The following ATP10B variants were observed in gnomAD, a reference collection of about 807,000 sequenced individuals.
ATP10B encodes ATPase phospholipid transporting 10B (putative).
A neutral mutation model predicts 141.2 loss-of-function variants in ATP10B; 122 were observed. That is an observed-to-expected ratio of 0.86 (90% CI 0.75 to 1.00). The LOEUF (loss-of-function observed/expected upper bound fraction) is 1.00, where lower values mean the gene tolerates loss of function less well. Among genes scored for constraint, ATP10B ranks in the 50% least tolerant of loss-of-function variants. The probability of loss-of-function intolerance (pLI) is 0.00; values close to 1 mark genes in which losing one functional copy is unlikely to be tolerated. For synonymous variants in ATP10B, 685 were observed against 692.0 expected (o/e 0.99, Z 0.16); for missense variants, 1,876 against 1,825.3 (o/e 1.03, Z -0.51).
rs763546752 is a variant in ATP10B at position 160,644,109 on chromosome 5, C to A, written c.868+29G>T. On this transcript the variant is annotated intron_variant, in intron 9 of 25. Transcript: ENST00000327245. ...GGAGGGGGAAGGATAAAGGAAAATT[C>A]AGACAAAAGAAACTACCCAGACAAT... is the stretch of plus-strand genomic sequence containing the variant. 3.1e-6 allele frequency: 5 copies of A among 1,589,134 alleles called. No homozygotes were observed. The South Asian group carries it at 5.5e-5, about 18-fold the overall frequency.
At chr5:160,814,451 A>G (rs1773434966) in intron 1 of ATP10B, among the ~76,000 whole-genome samples, 1 of 151,998 alleles carries the variant, frequency 6.6e-6, no homozygotes, top group Non-Finnish European at 1.5e-5. Context: ...AGTAAAAAGA[A>G]ACGAACAAAG....
At chr5:160,886,443 A>AT in the ATP10B span, among the ~76,000 whole-genome samples, 1 of 152,168 alleles carries the variant, frequency 6.6e-6, no homozygotes, top group South Asian at 2.1e-4. Context: ...GATAGCTTAG[A>AT]GGGGCTATGT....
chr5:160,589,880 T>C (rs1452092675), intron 23 of ATP10B, among the ~76,000 whole-genome samples, 184 bp from the exon 24 acceptor site: 1 of 152,134 alleles, frequency 6.6e-6, no homozygotes, highest in African/African-American at 2.4e-5. Flanking sequence ...AGGACTAATT[T>C]AGAAATGGTG....
chr5:160,678,772 C>T (rs35745177), intron 6 of ATP10B, among the ~76,000 whole-genome samples: 4,380 of 152,194 alleles, frequency 0.029, 75 homozygotes, highest in Non-Finnish European at 0.045. Flanking sequence ...TAGTATCGGC[C>T]CCATTTTATA....
chr5:160,787,811 C>T (rs1312654311), intron 1 of ATP10B, among the ~76,000 whole-genome samples: 5 of 152,042 alleles, frequency 3.3e-5, no homozygotes, highest in Admixed American at 3.3e-4. Context: ...AATAAGGAAG[C>T]CGTGTGTGCT....
chr5:160,576,866 C>G (rs866385067), intron 24 of ATP10B, among the ~76,000 whole-genome samples: 1 of 152,158 alleles, frequency 6.6e-6, no homozygotes. Flanking sequence ...AGTTTGGACT[C>G]TGTCCTAAGA....
chr5:160,825,706 C>T (rs72820521), intron 1 of ATP10B, among the ~76,000 whole-genome samples: 1,900 of 152,180 alleles, frequency 0.012, 17 homozygotes, highest in Non-Finnish European at 0.02. Context: ...ATTTTAGATA[C>T]GGGGATACAT....
intron 7 of ATP10B, among the ~76,000 whole-genome samples, chr5:160,652,889 T>TTATATAATATATTATATATACATGTA (rs61034794): frequency 0.02 from 663 of 32,372 alleles, 146 homozygotes; most frequent in African/African-American, 0.031. Context: ...ATATATATAA[T>TTATATAATATATTATATATACATGTA]TATATAATAT....
chr5:160,836,835 T>C (rs1444615182), intron 1 of ATP10B, among the ~76,000 whole-genome samples: 6 of 152,126 alleles, frequency 3.9e-5, no homozygotes, highest in African/African-American at 1.4e-4. Context: ...TATCCATTTT[T>C]TCCTTATATT....
chr5:160,812,323 A>G (rs1267723137), intron 1 of ATP10B, among the ~76,000 whole-genome samples: 1 of 152,210 alleles, frequency 6.6e-6, no homozygotes, highest in African/African-American at 2.4e-5. Context: ...TTGTGAAGCT[A>G]TAATAAATAC....
At chr5:160,700,422 C>T (rs1217461976) in intron 3 of ATP10B, among the ~76,000 whole-genome samples, 1 of 152,140 alleles carries the variant, frequency 6.6e-6, no homozygotes, top group East Asian at 1.9e-4. Flanking sequence ...ATTCTCACCT[C>T]GACTTATGTC....
intron 1 of ATP10B, among the ~76,000 whole-genome samples, chr5:160,794,121 CAT>C (rs538676193): frequency 1.2e-3 from 180 of 152,296 alleles, no homozygotes; most frequent in African/African-American, 4.1e-3. Context: ...GTATCCCACA[CAT>C]ATAATTGACA....
intron 24 of ATP10B, among the ~76,000 whole-genome samples, chr5:160,574,669 C>A (rs937003350): frequency 6.6e-6 from 1 of 152,108 alleles, no homozygotes; most frequent in African/African-American, 2.4e-5. Flanking sequence ...AAAGATCTTC[C>A]TTCATGAATG....
intron 2 of ATP10B, among the ~76,000 whole-genome samples, chr5:160,717,257 T>C (rs1765717665): frequency 6.6e-6 from 1 of 152,210 alleles, no homozygotes; most frequent in Non-Finnish European, 1.5e-5. Context: ...GAATACACAA[T>C]AAACTTCAAC....
chr5:160,755,814 C>CA lies in ATP10B; in HGVS notation c.-331+29744dup, dbSNP rs763385041. On this transcript the variant is annotated intron_variant, in intron 2 of 25. Transcript: ENST00000327245. ...TGGGCGACAGAGCGAGACTCCGTCT[C>CA]AAAAAAAAAAAAAAAAAAAAAAAAA... Among the ~76,000 whole-genome samples, 59 of 48,174 alleles carry CA rather than the reference C, an allele frequency of 1.2e-3. 5 individuals are homozygous for CA. Among genetic ancestry groups the CA allele is most frequent in the African/African-American group, 1.5e-3 (23 of 15,256 alleles). The allele number at this position is 48,174 out of a possible 152,430, so 31.6% of individuals were successfully genotyped here. A position where few individuals can be genotyped will look rare whatever the true frequency, so the allele number is the denominator to read the frequency against.
chr5:160,743,301 G>A (rs73798537), intron 2 of ATP10B, among the ~76,000 whole-genome samples: 2,541 of 152,174 alleles, frequency 0.017, 62 homozygotes, highest in African/African-American at 0.056. Flanking sequence ...TAAGCCCTTC[G>A]GAAATTAAGC....
chr5:160,672,593 G>T (rs1398234051), intron 6 of ATP10B, among the ~76,000 whole-genome samples: 1 of 152,188 alleles, frequency 6.6e-6, no homozygotes, highest in Non-Finnish European at 1.5e-5. Flanking sequence ...CCCACATGTG[G>T]TCTTTCTAAC....
chr5:160,596,438 A>T (rs1000003527), intron 22 of ATP10B, among the ~76,000 whole-genome samples: 3 of 137,118 alleles, frequency 2.2e-5, no homozygotes, highest in Admixed American at 7.4e-5. Flanking sequence ...CCAATATCAT[A>T]CTGAATGGGC....
At chr5:160,648,224 T>A (rs1177299702) in intron 8 of ATP10B, among the ~76,000 whole-genome samples, 1 of 152,330 alleles carries the variant, frequency 6.6e-6, no homozygotes, top group East Asian at 1.9e-4. Flanking sequence ...AAAACTGTTA[T>A]AGCAAGCTTG....
Sources: gnomAD v4.1 joint callset for allele counts (sites outside exome capture counted in the v4.1 genomes callset) on GRCh38, gnomAD v4.1.1 for gene constraint, MANE v1.5 for transcripts, NCBI Gene and HGNC (gene_info 2026-07-23, HGNC 2026-07-21) for gene names.